ANKRD49: variants seen among roughly 807,000 people sequenced by gnomAD.
The protein encoded by ANKRD49 is ankyrin repeat domain 49.
Under a neutral mutation model 19.6 loss-of-function variants are expected in ANKRD49, and 18 were observed. The ratio of observed to expected loss-of-function variants is 0.92; its 90% CI spans 0.63 to 1.36. The LOEUF (loss-of-function observed/expected upper bound fraction) is 1.36, where lower values mean the gene tolerates loss of function less well. Ranked by LOEUF, ANKRD49 falls within the 40% of genes most tolerant of loss-of-function variation. The pLI is 0.00. For missense variants in ANKRD49, 218 were observed against 281.6 expected (o/e 0.77, Z 1.62); for synonymous variants, 88 against 101.8 (o/e 0.86, Z 0.82).
chr11:94,495,781 A>G (rs1378477653), intron 1 of ANKRD49, among the ~76,000 whole-genome samples: 1 of 152,178 alleles, frequency 6.6e-6, no homozygotes, highest in Non-Finnish European at 1.5e-5. Flanking sequence ...GTTTCTAGAC[A>G]AGGTCTTGTA....
chr11:94,496,881 A>G lies in ANKRD49; in HGVS notation c.188A>G (p.Tyr63Cys), dbSNP rs893157953. 3.0e-5 allele frequency: 48 copies of G among 1,613,872 alleles called. No individual in the cohort carries two copies. Among genetic ancestry groups the G allele is most frequent in the Non-Finnish European group, 4.0e-5 (47 of 1,179,936 alleles). Reference sequence around the variant, plus strand: ...CAAGATGACAAAAATGAAGAGTGGTATCGATTGCAAGAAAAAAAAATGGAA... The same window carrying G: ...CAAGATGACAAAAATGAAGAGTGGTGTCGATTGCAAGAAAAAAAAATGGAA... ...EEQDDKNEEW[Y>C]RLQEKKMEKD... Residue 63 changes from tyrosine to cysteine, a missense_variant, in exon 2 of 3, where the codon TAT becomes TGT. Physicochemically the swap from Tyr to Cys is radical, Grantham distance 194. Coordinates refer to ENST00000544612, the MANE Select transcript of ANKRD49 (RefSeq NM_017704.3).
chr11:94,495,676 A>G (rs1185192132), intron 1 of ANKRD49, among the ~76,000 whole-genome samples: 1 of 152,212 alleles, frequency 6.6e-6, no homozygotes, highest in Non-Finnish European at 1.5e-5. Flanking sequence ...TTAAAAATTA[A>G]TATGGCAGCT....
intron 2 of ANKRD49, 200 bp downstream of exon 2, chr11:94,497,151 TA>T (rs1381164830): frequency 1.5e-6 from 1 of 649,398 alleles, no homozygotes; most frequent in Non-Finnish European, 2.6e-6. Context: ...TAATTATCTA[TA>T]AAGATAGCAA....
chr11:94,497,368 A>C (rs1400012030), intron 2 of ANKRD49: 1 of 268,272 alleles, frequency 3.7e-6, no homozygotes, highest in African/African-American at 2.2e-5. Flanking sequence ...TTTGCCCAGG[A>C]TCATCGAAGT....
Position 94,496,936 on chromosome 11 carries a change from T to C in ANKRD49, c.243T>C (p.Ala81=), listed in dbSNP as rs1369241933. The C allele has an allele frequency of 6.2e-7, 1 of 1,613,362 alleles. No homozygotes were observed. Among genetic ancestry groups the C allele is most frequent in the Non-Finnish European group, 8.5e-7 (1 of 1,179,922 alleles). Residue 81 remains alanine, a synonymous_variant, in exon 2 of 3, where the codon GCT becomes GCC. Transcript: ENST00000544612. ...EKDPSRLLLW[A]AEKNRLTTVR... ...ACCCAAGCAGATTGCTTCTTTGGGC[T>C]GCTGAAAAAAATCGGGTAAAAAAAA...
chr11:94,498,532 A>T lies in ANKRD49; in HGVS notation c.720A>T (p.Ter240TyrextTer3). Residue 240 changes from the stop codon to tyrosine, a stop_lost, in exon 3 of 3, where the codon TAA (stop) becomes TAT (tyrosine). Coordinates refer to ENST00000544612, the MANE Select transcript of ANKRD49 (RefSeq NM_017704.3). ...EGCTNSSPQS[*>Y] ...GTACAAATTCTTCACCTCAGTCTTA[A>T]CAATTCTAGTAATTTTCCTAAGTTT... The T allele has an allele frequency of 6.2e-7, 1 of 1,602,806 alleles. No individual in the cohort carries two copies. The highest frequency in any genetic ancestry group is 8.5e-7 in the Non-Finnish European group (1 of 1,174,092).
At chr11:94,495,428 AAGTT>A (rs1947402051) in intron 1 of ANKRD49, among the ~76,000 whole-genome samples, 1 of 152,206 alleles carries the variant, frequency 6.6e-6, no homozygotes, top group African/African-American at 2.4e-5. Context: ...AACAAGAACA[AAGTT>A]AGAGGTGAAA....
intron 2 of ANKRD49, 189 bp downstream of exon 2, chr11:94,497,140 ATAATTATCTAT>A: frequency 1.5e-6 from 1 of 684,792 alleles, no homozygotes; most frequent in Middle Eastern, 2.5e-4. Flanking sequence ...GGGTTTAAGG[ATAATTATCTAT>A]AAAGATAGCA....
At chr11:94,497,237 A>G in intron 2 of ANKRD49, 1 of 523,370 alleles carries the variant, frequency 1.9e-6, no homozygotes, top group Admixed American at 3.5e-5. Flanking sequence ...GGAAACTAAC[A>G]TTTATTAAAA....
rs141626105 is a variant in ANKRD49, at chr11:94,494,521, G to A, written c.-91+486G>A. ...AAGGTTTATAGCCCCGCCTATCACT[G>A]AGTTGTTTGTAAGGAGTTGACATAG... On this transcript the variant is annotated intron_variant, in intron 1 of 2. Coordinates refer to ENST00000544612, the MANE Select transcript of ANKRD49 (RefSeq NM_017704.3). Among the ~76,000 whole-genome samples, 34 of 152,278 alleles carry A rather than the reference G, an allele frequency of 2.2e-4. No homozygotes were observed. The East Asian group carries it at 6.4e-3, about 29-fold the overall frequency.
chr11:94,494,506 G>A (rs1048387685), intron 1 of ANKRD49, among the ~76,000 whole-genome samples: 1 of 152,144 alleles, frequency 6.6e-6, no homozygotes, highest in African/African-American at 2.4e-5. Flanking sequence ...AAGGTTTATA[G>A]CCCCGCCTAT....
At position 94,496,791 on chromosome 11, in the gene ANKRD49, A is replaced by G. The variant is rs759963956; in HGVS notation, c.98A>G (p.His33Arg). The change falls in exon 2 of 3, where the codon CAT (histidine) becomes CGT (arginine). Residue 33 changes from histidine to arginine, a missense_variant. Coordinates refer to ENST00000544612, the MANE Select transcript of ANKRD49 (RefSeq NM_017704.3). ...HFNQLELLET[H>R]GHLIPTGTQS... ...AACCAACTTGAATTGTTGGAAACACATGGACACCTTATTCCTACTGGTACT... is the reference window on the plus strand; with the variant it reads ...AACCAACTTGAATTGTTGGAAACACGTGGACACCTTATTCCTACTGGTACT... 1 of 1,614,058 alleles carries G rather than the reference A, an allele frequency of 6.2e-7. No homozygotes were observed. Among genetic ancestry groups the G allele is most frequent in the South Asian group, 1.1e-5 (1 of 91,080 alleles).
At chr11:94,497,817 T>G in intron 2 of ANKRD49, 1 of 399,160 alleles carries the variant, frequency 2.5e-6, no homozygotes, top group Non-Finnish European at 4.5e-6. Flanking sequence ...GGACCAGGAG[T>G]AAATGTATGG....
Position 94,498,424 on chromosome 11 carries a change from GA to G in ANKRD49, c.617del (p.Asn206ThrfsTer52), listed in dbSNP as rs774975121. ...TGAACCGTTACGTCAAACCAGGGCT[GA>G]AAAACAACTTGGAAGAAACTGCATT... ...LMNRYVKPGLKNNLEETAFDI... is the reference protein window; with the variant it reads ...LMNRYVKPGLXNNLEETAFDI... On this transcript the variant is annotated frameshift_variant, in exon 3 of 3. Coordinates refer to ENST00000544612, the MANE Select transcript of ANKRD49 (RefSeq NM_017704.3). LOFTEE classifies it high-confidence loss of function. 32 of 1,613,558 alleles carry G rather than the reference GA, an allele frequency of 2.0e-5. No individual in the cohort carries two copies. The highest frequency in any genetic ancestry group is 2.4e-5 in the Non-Finnish European group (28 of 1,179,860).
At chr11:94,497,519 A>G (rs1244515030) in intron 2 of ANKRD49, 2 of 157,402 alleles carry the variant, frequency 1.3e-5, no homozygotes, top group Non-Finnish European at 2.8e-5. Flanking sequence ...AGCATGCCAC[A>G]TTTAACCAGA....
At position 94,498,078 on chromosome 11, in the gene ANKRD49, C is replaced by G; in HGVS notation, c.266C>G (p.Thr89Arg). Residue 89 changes from threonine to arginine, a missense_variant, in exon 3 of 3, where the codon ACA becomes AGA. Physicochemically the swap from Thr to Arg is moderately conservative, Grantham distance 71 (BLOSUM62 -1). Coordinates refer to ENST00000544612, the MANE Select transcript of ANKRD49 (RefSeq NM_017704.3). ...LWAAEKNRLT[T>R]VRRLLSEKAT... Reference sequence around the variant, plus strand: ...TCTTTTTTTTCTTCTCAGCTTACCACAGTGCGGAGACTCCTTTCTGAAAAG... The same window carrying G: ...TCTTTTTTTTCTTCTCAGCTTACCAGAGTGCGGAGACTCCTTTCTGAAAAG... 1 of 1,601,294 alleles carries G rather than the reference C, an allele frequency of 6.2e-7. No individual in the cohort carries two copies. Among genetic ancestry groups the G allele is most frequent in the Non-Finnish European group, 8.5e-7 (1 of 1,173,460 alleles).
rs1192221582 is a variant in ANKRD49 at position 94,498,268 on chromosome 11, T to C, written c.456T>C (p.Asn152=). ...CCCTGCACAGTGCTTGTAAGTGGAATAATACCAGAGTGGCTTCTTTCTTAC... is the reference window on the plus strand; with the variant it reads ...CCCTGCACAGTGCTTGTAAGTGGAACAATACCAGAGTGGCTTCTTTCTTAC... ...WTPLHSACKW[N]NTRVASFLLQ... The change falls in exon 3 of 3, where the codon AAT becomes AAC. Residue 152 remains asparagine (N), a synonymous_variant. Transcript: ENST00000544612. The C allele has an allele frequency of 6.2e-7, 1 of 1,614,174 alleles. No individual in the cohort carries two copies. Among genetic ancestry groups the C allele is most frequent in the East Asian group, 2.2e-5 (1 of 44,890 alleles).
chr11:94,495,126 G>A (rs1047626428), intron 1 of ANKRD49, among the ~76,000 whole-genome samples: 14 of 152,286 alleles, frequency 9.2e-5, no homozygotes, highest in Admixed American at 3.9e-4. Flanking sequence ...CTGGACATGA[G>A]TAATACATTT....
In ANKRD49 at chr11:94,498,433, C is replaced by G. The variant is rs769910387; in HGVS notation, c.621C>G (p.Asn207Lys). Reference sequence around the variant, plus strand: ...ACGTCAAACCAGGGCTGAAAAACAACTTGGAAGAAACTGCATTTGATATTG... The same window carrying G: ...ACGTCAAACCAGGGCTGAAAAACAAGTTGGAAGAAACTGCATTTGATATTG... ...NRYVKPGLKN[N>K]LEETAFDIAR... Residue 207 changes from asparagine to lysine, a missense_variant, in exon 3 of 3, where the codon AAC becomes AAG. Physicochemically the swap from Asn to Lys is moderately conservative, Grantham distance 94. Coordinates refer to ENST00000544612, the MANE Select transcript of ANKRD49 (RefSeq NM_017704.3). 2 of 1,613,768 alleles carry G rather than the reference C, an allele frequency of 1.2e-6. No individual in the cohort carries two copies. The highest frequency in any genetic ancestry group is 1.7e-6 in the Non-Finnish European group (2 of 1,179,842).
Sources: allele counts gnomAD v4.1 joint callset (sites outside exome capture counted in the v4.1 genomes callset), GRCh38; gene constraint gnomAD v4.1.1; transcripts MANE v1.5; gene names NCBI Gene and HGNC (gene_info 2026-07-23, HGNC 2026-07-21).